Variants in MCRS1 observed in about 807,000 individuals in gnomAD.
The protein encoded by MCRS1 is microspherule protein 1.
Under a neutral mutation model 62.9 loss-of-function variants are expected in MCRS1, and 22 were observed. The ratio of observed to expected loss-of-function variants is 0.35; its 90% CI spans 0.25 to 0.50. The LOEUF (loss-of-function observed/expected upper bound fraction) is 0.50, where lower values mean the gene tolerates loss of function less well. Ranked by LOEUF, MCRS1 falls within the 20% of genes least tolerant of loss-of-function variation. The probability of loss-of-function intolerance (pLI) is 0.98; values close to 1 mark genes in which losing one functional copy is unlikely to be tolerated. For synonymous variants in MCRS1, 244 were observed against 233.5 expected (o/e 1.04, Z -0.41); for missense variants, 456 against 601.1 (o/e 0.76, Z 2.52).
At chr12:49,560,784 C>T (rs1412851608) in intron 8 of MCRS1, among the ~76,000 whole-genome samples, 1 of 152,170 alleles carries the variant, frequency 6.6e-6, no homozygotes, top group African/African-American at 2.4e-5. Flanking sequence ...GAAATCTCAA[C>T]CTCTCCTTCC....
chr12:49,561,083 G>A (rs939388477), intron 8 of MCRS1, among the ~76,000 whole-genome samples: 12 of 152,084 alleles, frequency 7.9e-5, no homozygotes, highest in African/African-American at 2.2e-4. Flanking sequence ...AAAGGAAGTC[G>A]GGAACAGTGG....
chr12:49,563,182 C>A, intron 7 of MCRS1, 43 bp from the exon 8 acceptor site: 1 of 1,537,712 alleles, frequency 6.5e-7, no homozygotes, highest in East Asian at 2.4e-5. Flanking sequence ...GGCTTTTTCA[C>A]ACATGCCTCT....
In MCRS1 at chr12:49,566,637, G is replaced by A. The variant is rs190191725; in HGVS notation, c.10+85C>T. The A allele has an allele frequency of 1.6e-4, 257 of 1,595,410 alleles. 2 individuals carry two copies. In the East Asian group the frequency reaches 5.3e-3, roughly 33 times the overall value. On this transcript the variant is annotated intron_variant, in intron 2 of 14. Transcript: ENST00000343810. ...GAGGTGGCAAGGCCTAGCCAGGACC[G>A]AAAGACACACGTGCCAGGCACAGAG...
chr12:49,565,951 C>A, intron 3 of MCRS1, 126 bp downstream of exon 3: 1 of 1,363,806 alleles, frequency 7.3e-7, no homozygotes, highest in South Asian at 1.4e-5. Flanking sequence ...AAGCACAAGG[C>A]TCTGCCAATA....
At chr12:49,560,880 G>A (rs540297237) in intron 8 of MCRS1, among the ~76,000 whole-genome samples, 19 of 152,300 alleles carry the variant, frequency 1.2e-4, no homozygotes, top group African/African-American at 3.9e-4. Flanking sequence ...GAGAAAGTAC[G>A]TGCTGGTGGG....
chr12:49,562,852 GT>G (rs377377830), intron 8 of MCRS1, 148 bp downstream of exon 8: 224 of 1,045,724 alleles, frequency 2.1e-4, no homozygotes, highest in Middle Eastern at 1.7e-3. Flanking sequence ...CTGGAAAGTA[GT>G]TTTTTTTGCA....
chr12:49,565,603 G>A lies in MCRS1; in HGVS notation c.214C>T (p.Arg72Trp), dbSNP rs1939015212. Residue 72 changes from arginine to tryptophan, a missense_variant, in exon 4 of 15, where the codon CGG (arginine) becomes TGG (tryptophan). Transcript: ENST00000343810. ...TCCACCCCACTGGCCCCCTTTGCCCGGGTAGAAGATTTTGCCAGGCTGCTC... is the reference window on the plus strand; with the variant it reads ...TCCACCCCACTGGCCCCCTTTGCCCAGGTAGAAGATTTTGCCAGGCTGCTC... ...VESSLAKSST[R>W]AKGASGVEPG... The A allele has an allele frequency of 2.5e-6, 4 of 1,613,714 alleles. No homozygotes were observed. The highest frequency in any genetic ancestry group is 2.2e-5 in the South Asian group (2 of 91,072).
rs776426269 is a variant in MCRS1, at chr12:49,558,642, C to T, written c.*1G>A. 1 of 1,612,726 alleles carries T rather than the reference C, an allele frequency of 6.2e-7. No individual in the cohort carries two copies. The highest frequency in any genetic ancestry group is 1.1e-5 in the South Asian group (1 of 91,074). On this transcript the variant is annotated 3_prime_UTR_variant, in exon 15 of 15. Coordinates refer to ENST00000343810, the MANE Select transcript of MCRS1 (RefSeq NM_006337.5). ...GGGCCCACGAGTCCTGCCACCACTC[C>T]TCACTGTGGTGTGATCTTGGCAGCC...
At chr12:49,566,489 G>T (rs1210374749) in intron 2 of MCRS1, 1 of 1,549,382 alleles carries the variant, frequency 6.5e-7, no homozygotes, top group African/African-American at 1.4e-5. Context: ...CGACACGCTG[G>T]GCTCTGGGCA....
In MCRS1 at chr12:49,564,728, G is replaced by A. The variant is rs370265546; in HGVS notation, c.447+9C>T. Reference sequence around the variant, plus strand: ...AAGGGGCACACTGAGCCTATGGTGGGGGCACTACCTGCAACACAGCATTTA... The same window carrying A: ...AAGGGGCACACTGAGCCTATGGTGGAGGCACTACCTGCAACACAGCATTTA... On this transcript the variant is annotated intron_variant, in intron 5 of 14. Coordinates refer to ENST00000343810, the MANE Select transcript of MCRS1 (RefSeq NM_006337.5). 5.8e-5 allele frequency: 93 copies of A among 1,607,288 alleles called. No individual in the cohort carries two copies. Among genetic ancestry groups the A allele is most frequent in the African/African-American group, 3.3e-4 (25 of 74,834 alleles).
intron 2 of MCRS1, 142 bp downstream of exon 2, chr12:49,566,580 C>A (rs553272358): frequency 2.7e-6 from 4 of 1,485,686 alleles, no homozygotes; most frequent in Non-Finnish European, 3.7e-6. Context: ...GTGGCTCTGC[C>A]GACAGGTACA....
chr12:49,565,672 A>G lies in MCRS1; in HGVS notation c.150-5T>C. ...AACTTCTTCCTCTTGATGAACCTGT[A>G]AAGGGTCCTGCCCAGTGAACACTCC... On this transcript the variant is annotated splice_polypyrimidine_tract_variant and splice_region_variant and intron_variant, in intron 3 of 14. Transcript: ENST00000343810. 4.3e-6 allele frequency: 7 copies of G among 1,614,066 alleles called. No individual in the cohort carries two copies. Among genetic ancestry groups the G allele is most frequent in the Non-Finnish European group, 5.1e-6 (6 of 1,179,982 alleles).
intron 2 of MCRS1, 126 bp from the exon 3 acceptor site, chr12:49,566,341 G>C: frequency 6.4e-7 from 1 of 1,562,332 alleles, no homozygotes. Flanking sequence ...TGACACTTGA[G>C]GTTTTAAGGT....
At chr12:49,562,071 G>A (rs1180370416) in intron 8 of MCRS1, among the ~76,000 whole-genome samples, 2 of 152,162 alleles carry the variant, frequency 1.3e-5, no homozygotes, top group African/African-American at 2.4e-5. Flanking sequence ...GGCTGCCCCC[G>A]GGCCACTAAA....
chr12:49,564,246 G>A (rs1938929195), intron 6 of MCRS1, among the ~76,000 whole-genome samples: 1 of 152,168 alleles, frequency 6.6e-6, no homozygotes, highest in Non-Finnish European at 1.5e-5. Context: ...TGCACTCCGG[G>A]CACTCATTTT....
Position 49,565,317 on chromosome 12 carries a change from G to C in MCRS1, c.288+212C>G, listed in dbSNP as rs560645331. 1.7e-3 allele frequency: 1,710 copies of C among 985,290 alleles called. 2 individuals carry two copies. The highest frequency in any genetic ancestry group is 1.9e-3 in the Non-Finnish European group (1,570 of 829,924). 61.0% of individuals were successfully genotyped at this position (985,290 alleles called of 1,614,324 possible). The stretch of plus-strand genomic sequence containing the variant: ...GCCTCCCACACGGAATGTGATACAG[G>C]ATGCAATGGCAGGGTTGGGGGTGGG... On this transcript the variant is annotated intron_variant, in intron 4 of 14. Transcript: ENST00000343810.
intron 7 of MCRS1, 110 bp downstream of exon 7, chr12:49,563,328 A>G: frequency 4.6e-6 from 6 of 1,293,026 alleles, no homozygotes; most frequent in Non-Finnish European, 6.6e-6. Flanking sequence ...ACACGTGTGC[A>G]TGTGCACATA....
intron 2 of MCRS1, 58 bp downstream of exon 2, chr12:49,566,663 TG>T (rs1939080769): frequency 6.2e-7 from 1 of 1,609,988 alleles, no homozygotes; most frequent in Non-Finnish European, 8.5e-7. Context: ...AGGCACAGAG[TG>T]GAATCAGCAG....
At chr12:49,566,701 G>A (rs1287660553) in intron 2 of MCRS1, 21 bp downstream of exon 2, 1 of 1,613,786 alleles carries the variant, frequency 6.2e-7, no homozygotes, top group African/African-American at 1.3e-5. Flanking sequence ...CATTTGGGGA[G>A]CTGTCCCGGC....
Sources: allele counts gnomAD v4.1 joint callset (sites outside exome capture counted in the v4.1 genomes callset), GRCh38; gene constraint gnomAD v4.1.1; transcripts MANE v1.5; gene names NCBI Gene and HGNC (gene_info 2026-07-23, HGNC 2026-07-21).